EPB41L1: variants seen among roughly 807,000 people sequenced by gnomAD.
EPB41L1 encodes erythrocyte membrane protein band 4.1 like 1, also known as band 4.1-like protein 1.
A neutral mutation model predicts 97.8 loss-of-function variants in EPB41L1; 29 were observed. The ratio of observed to expected loss-of-function variants is 0.30; its 90% CI spans 0.22 to 0.40. The LOEUF is 0.40. Among genes scored for constraint, EPB41L1 ranks in the 10% least tolerant of loss-of-function variants. The pLI, the probability that EPB41L1 is intolerant of heterozygous loss-of-function variation, is 1.00. For synonymous variants in EPB41L1, 383 were observed against 459.2 expected, an observed-to-expected ratio of 0.83 and a Z score of 2.12; for missense variants, 812 against 1,162.3, an observed-to-expected ratio of 0.70 and a Z score of 4.38.
At chr20:36,187,338 C>T (rs1039925319) in intron 7 of EPB41L1, among the ~76,000 whole-genome samples, 4 of 152,104 alleles carry the variant, frequency 2.6e-5, no homozygotes, top group African/African-American at 9.7e-5. Context: ...GAACAATGTC[C>T]GTAACAATGG....
chr20:36,218,876 G>A lies in EPB41L1; in HGVS notation c.2269G>A (p.Glu757Lys), dbSNP rs745477480. The change falls in exon 18 of 22, where the codon GAG (glutamate) becomes AAG (lysine). Residue 757 changes from glutamate (E) to lysine (K), a missense_variant and splice_region_variant. Coordinates refer to ENST00000338074, the MANE Select transcript of EPB41L1 (RefSeq NM_012156.2). Reference sequence around the variant, plus strand: ...CATCTGAGCACTATTGTTTCCCCAGGAGAACAGTCTCAAGTCCGGGAAGGG... The same window carrying A: ...CATCTGAGCACTATTGTTTCCCCAGAAGAACAGTCTCAAGTCCGGGAAGGG... ...ITTETISTTM[E>K]NSLKSGKGAA... 1 of 1,614,086 alleles carries A rather than the reference G, an allele frequency of 6.2e-7. No homozygotes were observed. The highest frequency in any genetic ancestry group is 1.1e-5 in the South Asian group (1 of 91,080).
At chr20:36,112,846 GGA>G (rs1313789404) in intron 2 of EPB41L1, among the ~76,000 whole-genome samples, 1 of 152,230 alleles carries the variant, frequency 6.6e-6, no homozygotes, top group Non-Finnish European at 1.5e-5. Flanking sequence ...ACTAGATTCA[GGA>G]GAGAGTGCTT....
In EPB41L1 at chr20:36,185,259, G is replaced by A. The variant is rs1370060133; in HGVS notation, c.709G>A (p.Val237Ile). ...YDAEEHVGNY[V>I]SELRFAPNQT... is the part of the protein sequence containing the mutation. The stretch of plus-strand genomic sequence containing the variant: ...TGCTGAGGAGCATGTGGGCAACTAT[G>A]TCAGCGAGCTCCGCTTCGCCCCTAA... Residue 237 changes from valine to isoleucine, a missense_variant, in exon 7 of 22, where the codon GTC becomes ATC. By Grantham distance (29) the Val-to-Ile change is conservative. Around this residue, in one of 3 missense-constraint regions of EPB41L1, gnomAD observed 230 missense variants for 445.2 expected, o/e 0.52. Coordinates refer to ENST00000338074, the MANE Select transcript of EPB41L1 (RefSeq NM_012156.2). 2 of 1,613,846 alleles carry A rather than the reference G, an allele frequency of 1.2e-6. No homozygotes were observed. The highest frequency in any genetic ancestry group is 2.2e-5 in the East Asian group (1 of 44,894).
intron 5 of EPB41L1, 22 bp downstream of exon 5, chr20:36,178,694 G>A: frequency 1.9e-6 from 3 of 1,613,954 alleles, no homozygotes; most frequent in Non-Finnish European, 2.5e-6. Context: ...GTTGTGTTTG[G>A]GGAGGTGGGT....
chr20:36,130,859 G>A (rs1209132916), intron 2 of EPB41L1, among the ~76,000 whole-genome samples: 1 of 151,266 alleles, frequency 6.6e-6, no homozygotes, highest in Admixed American at 6.6e-5. Context: ...GCCCAGGCTG[G>A]AGTACAGTGG....
intron 2 of EPB41L1, chr20:36,125,505 C>T (rs1483643963): frequency 1.4e-6 from 2 of 1,474,770 alleles, no homozygotes; most frequent in Non-Finnish European, 1.8e-6. Flanking sequence ...GAGAGCCTAG[C>T]ACCTACTGAG....
Position 36,190,483 on chromosome 20 carries a change from C to T in EPB41L1, c.1124+109C>T. 1 of 1,527,116 alleles carries T rather than the reference C, an allele frequency of 6.5e-7. No individual in the cohort carries two copies. Among genetic ancestry groups the T allele is most frequent in the Non-Finnish European group, 9.0e-7 (1 of 1,114,152 alleles). The allele number at this position is 1,527,116 out of a possible 1,614,324, so 94.6% of individuals were successfully genotyped here. The stretch of plus-strand genomic sequence containing the variant: ...CTCTAGGAAAGTCCTCCACCCTTTC[C>T]CCAAGTCCCTCCCTTCCTGGACCAC... On this transcript the variant is annotated intron_variant, in intron 10 of 21. Transcript: ENST00000338074. The surrounding 1 kb of genome is among the most constrained non-coding windows in gnomAD (Gnocchi z 5.8).
At chr20:36,100,740 G>A (rs570488330) in intron 1 of EPB41L1, among the ~76,000 whole-genome samples, 15 of 152,314 alleles carry the variant, frequency 9.8e-5, no homozygotes, top group African/African-American at 3.4e-4. Context: ...GCCTGCGGGA[G>A]CATTTAGGTG....
chr20:36,183,480 C>T (rs1378108564), intron 6 of EPB41L1, among the ~76,000 whole-genome samples: 2 of 152,198 alleles, frequency 1.3e-5, no homozygotes, highest in Non-Finnish European at 2.9e-5. Context: ...AAACTCCATT[C>T]CCAAGTGGAC....
At chr20:36,162,497 C>T (rs577656559) in intron 1 of EPB41L1, among the ~76,000 whole-genome samples, 47 of 152,278 alleles carry the variant, frequency 3.1e-4, no homozygotes, top group Admixed American at 2.8e-3. Context: ...ACTAAGCCGC[C>T]TGGGAAATAA....
At chr20:36,169,573 C>T (rs952276404) in intron 1 of EPB41L1, among the ~76,000 whole-genome samples, 1 of 152,184 alleles carries the variant, frequency 6.6e-6, no homozygotes, top group African/African-American at 2.4e-5. Context: ...TGGTGCTCAC[C>T]TTTACAGGCT....
chr20:36,108,339 T>A (rs1166398466), intron 1 of EPB41L1, among the ~76,000 whole-genome samples: 1 of 152,076 alleles, frequency 6.6e-6, no homozygotes, highest in Admixed American at 6.6e-5. Context: ...AATGAATATA[T>A]TATGAAAATT....
chr20:36,122,027 A>G (rs1028485026), intron 2 of EPB41L1, among the ~76,000 whole-genome samples: 4 of 152,154 alleles, frequency 2.6e-5, no homozygotes, highest in African/African-American at 9.7e-5. Flanking sequence ...AGATCTACTG[A>G]TCCCTGCCTG....
intron 2 of EPB41L1, among the ~76,000 whole-genome samples, chr20:36,130,817 T>C (rs13044494): frequency 5.0e-5 from 7 of 140,400 alleles, no homozygotes; most frequent in Non-Finnish European, 1.6e-5. Flanking sequence ...CTCTCTCTCT[T>C]TTTTTCCCCG....
At chr20:36,220,065 C>G (rs1039950276) in intron 19 of EPB41L1, among the ~76,000 whole-genome samples, 2 of 152,266 alleles carry the variant, frequency 1.3e-5, no homozygotes, top group Non-Finnish European at 2.9e-5. Context: ...GAACAATACT[C>G]TCCTCTTTGA....
chr20:36,105,117 CAG>C (rs1424294652), intron 1 of EPB41L1, among the ~76,000 whole-genome samples: 1 of 152,040 alleles, frequency 6.6e-6, no homozygotes, highest in Non-Finnish European at 1.5e-5. Flanking sequence ...TGGGGGAAAT[CAG>C]GGGGTGGCTT....
At chr20:36,187,381 TCA>T in intron 7 of EPB41L1, among the ~76,000 whole-genome samples, 1 of 152,296 alleles carries the variant, frequency 6.6e-6, no homozygotes, top group Middle Eastern at 3.4e-3. Context: ...AATTTATAGC[TCA>T]CAGTCAACTC....
chr20:36,216,877 G>C (rs960941707), intron 17 of EPB41L1, among the ~76,000 whole-genome samples: 1 of 152,162 alleles, frequency 6.6e-6, no homozygotes, highest in East Asian at 1.9e-4. Context: ...ACAGGATTTG[G>C]TCGTTGGTAG....
intron 1 of EPB41L1, among the ~76,000 whole-genome samples, chr20:36,099,171 AAAAAC>A (rs141494785): frequency 2.6e-5 from 4 of 152,218 alleles, no homozygotes; most frequent in East Asian, 3.9e-4. Flanking sequence ...TCCGTCTCGA[AAAAAC>A]AAAACAAAAC....
Sources: gnomAD v4.1 joint callset for allele counts (sites outside exome capture counted in the v4.1 genomes callset) on GRCh38, gnomAD v4.1.1 for gene constraint, gnomAD v4.1.1 regional missense constraint, Gnocchi (gnomAD v3.1) non-coding constraint, MANE v1.5 for transcripts, NCBI Gene and HGNC (gene_info 2026-07-23, HGNC 2026-07-21) for gene names.